The following PAK3 variants were observed in gnomAD, a reference collection of about 807,000 sequenced individuals.
PAK3 encodes the protein serine/threonine-protein kinase PAK 3.
In PAK3, 4 loss-of-function variants were observed where a neutral mutation model predicts 41.0. The observed-to-expected ratio is 0.10, with a 90% confidence interval of 0.05 to 0.22. The LOEUF is 0.22. Ranked by LOEUF, PAK3 falls within the 10% of genes least tolerant of loss-of-function variation. The probability of loss-of-function intolerance (pLI) is 1.00; values close to 1 mark genes in which losing one functional copy is unlikely to be tolerated. For missense variants in PAK3, 205 were observed against 409.9 expected, an observed-to-expected ratio of 0.50 and a Z score of 4.32; for synonymous variants, 146 against 139.6, an observed-to-expected ratio of 1.05 and a Z score of -0.32.
upstream of PAK3, among the ~76,000 whole-genome samples, chrX:111,095,875 G>C (rs1318586353): frequency 9.0e-6 from 1 of 111,320 alleles, no homozygotes; most frequent in East Asian, 2.8e-4. Context: ...GAGCAATTAA[G>C]GAAGATACAT....
At chrX:111,025,615 TC>T (rs1347647272) in intron 1 of PAK3, among the ~76,000 whole-genome samples, 1 of 109,681 alleles carries the variant, frequency 9.1e-6, no homozygotes, top group Non-Finnish European at 1.9e-5. Context: ...TCCAAACAGA[TC>T]AATAACAAGC....
In PAK3 at chrX:111,196,981, A is replaced by G. The variant is rs755738995; in HGVS notation, c.1407+341A>G. Among the ~76,000 whole-genome samples the G allele has an allele frequency of 2.7e-3, 284 of 106,466 alleles. 1 individual carries two copies. The highest frequency in any genetic ancestry group is 4.4e-3 in the Non-Finnish European group (228 of 51,856). The allele number at this position is 106,466 out of a possible 115,157, so 92.5% of individuals were successfully genotyped here. On this transcript the variant is annotated intron_variant, in intron 16 of 17. Coordinates refer to ENST00000372007, the MANE Select transcript of PAK3 (RefSeq NM_002578.5). ...ACATACGCAGGTTTATTATATAGGT[A>G]AATTCCATGCTGTTGGGGTTGGTGT...
chrX:111,047,888 G>T (rs2092515401), intron 1 of PAK3, among the ~76,000 whole-genome samples: 1 of 111,869 alleles, frequency 8.9e-6, no homozygotes, highest in Admixed American at 9.5e-5. Context: ...GAGATATGCA[G>T]TGGCAGCCTG....
intron 1 of PAK3, among the ~76,000 whole-genome samples, chrX:111,055,075 A>G (rs974974258): frequency 8.9e-6 from 1 of 111,999 alleles, no homozygotes; most frequent in Non-Finnish European, 1.9e-5. Flanking sequence ...ATTTCTGAAC[A>G]CTTGGTGCAC....
intron 1 of PAK3, among the ~76,000 whole-genome samples, chrX:110,972,678 G>A (rs1056758438): frequency 3.6e-5 from 4 of 111,781 alleles, no homozygotes; most frequent in African/African-American, 9.8e-5. Flanking sequence ...GCAGCTCCTC[G>A]CCAGCAACGG....
intron 1 of PAK3, among the ~76,000 whole-genome samples, chrX:111,012,502 C>G (rs1185846480): frequency 1.8e-5 from 2 of 111,718 alleles, no homozygotes; most frequent in Non-Finnish European, 3.8e-5. Context: ...CCTTGAGAAA[C>G]AAAAAGAAAA....
At chrX:110,974,284 A>G (rs896640902) in intron 1 of PAK3, among the ~76,000 whole-genome samples, 1 of 112,003 alleles carries the variant, frequency 8.9e-6, no homozygotes, top group Non-Finnish European at 1.9e-5. Context: ...AAGGGATATC[A>G]CCACCGATTC....
At chrX:110,953,782 GAGAGCACAGTGTTCTTCTTAAGA>G (rs2148597299) in intron 1 of PAK3, among the ~76,000 whole-genome samples, 1 of 111,918 alleles carries the variant, frequency 8.9e-6, no homozygotes, top group East Asian at 2.8e-4. Flanking sequence ...GAGGTGAATG[GAGAGCACAGTGTTCTTCTTAAGA>G]AGAGCGAGTT....
chrX:111,118,231 T>G (rs756231502), intron 4 of PAK3, among the ~76,000 whole-genome samples: 11 of 111,873 alleles, frequency 9.8e-5, no homozygotes, highest in Admixed American at 5.7e-4. Flanking sequence ...CAGTCATAAG[T>G]GAGGTGGTTG....
intron 8 of PAK3, among the ~76,000 whole-genome samples, chrX:111,162,267 G>A (rs188155940): frequency 4.8e-4 from 54 of 111,649 alleles, no homozygotes; most frequent in Admixed American, 3.8e-4. Flanking sequence ...CAATACTGTC[G>A]TATTATTGCA....
At chrX:110,984,407 C>G (rs1569501615) in intron 1 of PAK3, among the ~76,000 whole-genome samples, 1 of 111,916 alleles carries the variant, frequency 8.9e-6, no homozygotes, top group East Asian at 2.8e-4. Flanking sequence ...CCTACCCAAG[C>G]CCTGGGTGTC....
chrX:111,143,622 T>A (rs1259308610), intron 6 of PAK3, among the ~76,000 whole-genome samples: 1 of 111,304 alleles, frequency 9.0e-6, no homozygotes, highest in Non-Finnish European at 1.9e-5. Flanking sequence ...CTTGCTATTA[T>A]GACTACCACC....
intron 1 of PAK3, among the ~76,000 whole-genome samples, chrX:111,027,521 G>C (rs191972539): frequency 8.1e-5 from 9 of 111,625 alleles, no homozygotes; most frequent in African/African-American, 2.3e-4. Context: ...ACGAATAGAC[G>C]ATTCTCAAAA....
At chrX:111,001,614 T>C (rs1005983866) in intron 1 of PAK3, among the ~76,000 whole-genome samples, 1 of 112,312 alleles carries the variant, frequency 8.9e-6, no homozygotes, top group Non-Finnish European at 1.9e-5. Context: ...ATGTTTATTA[T>C]CAAAAATTCT....
At chrX:111,028,003 G>GTGTATATATATACACATATATATATA (rs1569508041) in intron 1 of PAK3, among the ~76,000 whole-genome samples, 16 of 105,606 alleles carry the variant, frequency 1.5e-4, no homozygotes, top group African/African-American at 5.2e-4. Flanking sequence ...ATGTGTGTGT[G>GTGTATATATATACACATATATATATA]TGTATATATA....
intron 5 of PAK3, among the ~76,000 whole-genome samples, chrX:111,135,450 C>T (rs996624218): frequency 4.5e-5 from 5 of 110,178 alleles, no homozygotes; most frequent in Admixed American, 9.7e-5. Flanking sequence ...ATGTCATGGC[C>T]GGAGGTATAT....
intron 14 of PAK3, among the ~76,000 whole-genome samples, chrX:111,195,513 T>C (rs1223006340): frequency 5.3e-5 from 6 of 112,199 alleles, no homozygotes; most frequent in African/African-American, 1.9e-4. Flanking sequence ...ACCACAGCTA[T>C]AGAAGACCAA....
intron 1 of PAK3, among the ~76,000 whole-genome samples, chrX:110,963,754 A>G (rs2148617355): frequency 8.9e-6 from 1 of 112,748 alleles, no homozygotes; most frequent in South Asian, 3.7e-4. Flanking sequence ...TGAACACAGA[A>G]AGGACGATGT....
At chrX:111,107,108 G>A (rs1322456988) in intron 4 of PAK3, among the ~76,000 whole-genome samples, 1 of 111,674 alleles carries the variant, frequency 9.0e-6, no homozygotes, top group Non-Finnish European at 1.9e-5. Context: ...TTCTTTATGT[G>A]CTGTTAATGG....
Sources: allele counts gnomAD v4.1 joint callset (sites outside exome capture counted in the v4.1 genomes callset), GRCh38; gene constraint gnomAD v4.1.1; transcripts MANE v1.5; gene names NCBI Gene and HGNC (gene_info 2026-07-23, HGNC 2026-07-21).